PTPRD: variants seen among roughly 807,000 people sequenced by gnomAD.
PTPRD encodes the protein receptor-type tyrosine-protein phosphatase delta.
PTPRD carries 34 observed loss-of-function variants against 214.5 expected under a neutral mutation model. The ratio of observed to expected loss-of-function variants is 0.16; its 90% CI spans 0.12 to 0.21. The LOEUF (loss-of-function observed/expected upper bound fraction) is 0.21, where lower values mean the gene tolerates loss of function less well. Among genes scored for constraint, PTPRD ranks in the 10% least tolerant of loss-of-function variants. The probability of loss-of-function intolerance (pLI) is 1.00; values close to 1 mark genes in which losing one functional copy is unlikely to be tolerated. For synonymous variants in PTPRD, 1,128 were observed against 845.7 expected, an observed-to-expected ratio of 1.33 and a Z score of -5.79; for missense variants, 2,545 against 2,398.7, an observed-to-expected ratio of 1.06 and a Z score of -1.27.
chr9:9,250,200 G>A (rs538313081), intron 9 of PTPRD, among the ~76,000 whole-genome samples: 180 of 152,112 alleles, frequency 1.2e-3, no homozygotes, highest in African/African-American at 3.8e-3. Flanking sequence ...CAGAGCACTG[G>A]CCCTGAGCAT....
chr9:9,963,405 A>G (rs1271166383), intron 4 of PTPRD, among the ~76,000 whole-genome samples: 1 of 146,416 alleles, frequency 6.8e-6, no homozygotes, highest in Non-Finnish European at 1.5e-5. Context: ...CTAAGTGTAA[A>G]TAGTTTCTCC....
intron 10 of PTPRD, among the ~76,000 whole-genome samples, chr9:9,025,466 T>G (rs1053812338): frequency 2.6e-5 from 4 of 152,046 alleles, no homozygotes; most frequent in African/African-American, 9.7e-5. Flanking sequence ...TCCTCTAGAC[T>G]TTGACTTAGA....
chr9:10,461,350 A>G lies in PTPRD; in HGVS notation c.-599-120333T>C, dbSNP rs1433600551. On this transcript the variant is annotated intron_variant, in intron 2 of 45. Coordinates refer to ENST00000381196, the MANE Select transcript of PTPRD (RefSeq NM_002839.4). ...AAATTAAAAATAGAACTACCATTCT[A>G]AGAAAATAAAATCACCACCTCATAA... Among the ~76,000 whole-genome samples, 3 of 151,932 alleles carry G rather than the reference A, an allele frequency of 2.0e-5. No homozygotes were observed. The East Asian group carries it at 5.8e-4, about 29-fold the overall frequency.
intron 2 of PTPRD, among the ~76,000 whole-genome samples, chr9:10,462,943 G>C (rs938453889): frequency 6.7e-6 from 1 of 149,668 alleles, no homozygotes; most frequent in African/African-American, 2.4e-5. Context: ...GTTTTCCAGA[G>C]AGTGTGTATA....
chr9:10,070,215 A>G (rs1248448940), intron 3 of PTPRD, among the ~76,000 whole-genome samples: 3 of 152,020 alleles, frequency 2.0e-5, no homozygotes, highest in Non-Finnish European at 2.9e-5. Flanking sequence ...TGTTTTGTCC[A>G]CTTTTTTGTC....
intron 11 of PTPRD, among the ~76,000 whole-genome samples, chr9:8,789,035 T>C (rs1158275961): frequency 6.6e-6 from 1 of 152,124 alleles, no homozygotes; most frequent in African/African-American, 2.4e-5. Flanking sequence ...TCATTCCAAT[T>C]ATTATAAGAA....
At chr9:9,915,127 G>C (rs978912363) in intron 5 of PTPRD, among the ~76,000 whole-genome samples, 1 of 152,130 alleles carries the variant, frequency 6.6e-6, no homozygotes, top group Non-Finnish European at 1.5e-5. Flanking sequence ...TTTAGCATGG[G>C]TTAGAGCTGT....
chr9:8,480,996 C>T (rs1251668794), intron 30 of PTPRD, among the ~76,000 whole-genome samples: 1 of 151,872 alleles, frequency 6.6e-6, no homozygotes, highest in African/African-American at 2.4e-5. Context: ...AAAGATTAGC[C>T]AGGCGTGGTG....
At chr9:10,108,468 C>T (rs1293171988) in intron 3 of PTPRD, among the ~76,000 whole-genome samples, 1 of 151,488 alleles carries the variant, frequency 6.6e-6, no homozygotes, top group East Asian at 1.9e-4. Flanking sequence ...CTCTCTAATC[C>T]CCAGCCCACC....
chr9:8,870,494 G>C (rs577330314), intron 11 of PTPRD, among the ~76,000 whole-genome samples: 1 of 152,154 alleles, frequency 6.6e-6, no homozygotes, highest in Non-Finnish European at 1.5e-5. Context: ...ACCCCATCTT[G>C]CTGTTTCTCA....
chr9:10,374,741 A>T (rs982680822), intron 2 of PTPRD, among the ~76,000 whole-genome samples: 1 of 152,062 alleles, frequency 6.6e-6, no homozygotes, highest in Non-Finnish European at 1.5e-5. Context: ...GATTAGAAAA[A>T]AATGAACCTC....
chr9:9,731,449 A>ATTC (rs2098190282), intron 7 of PTPRD, among the ~76,000 whole-genome samples: 1 of 112,148 alleles, frequency 8.9e-6, no homozygotes, highest in Non-Finnish European at 1.8e-5. Flanking sequence ...AATTCTAGAA[A>ATTC]TGGAAATTTA....
chr9:10,243,261 T>A (rs1052123330), intron 3 of PTPRD, among the ~76,000 whole-genome samples: 1 of 152,050 alleles, frequency 6.6e-6, no homozygotes, highest in Non-Finnish European at 1.5e-5. Flanking sequence ...CCCACATTTA[T>A]ATGCTATCTT....
intron 10 of PTPRD, among the ~76,000 whole-genome samples, chr9:9,037,206 G>C (rs974655382): frequency 2.0e-5 from 3 of 152,084 alleles, no homozygotes; most frequent in Non-Finnish European, 4.4e-5. Context: ...GAGTTGGAAA[G>C]GATTTTAGAG....
At chr9:8,926,535 A>G (rs2098895146) in intron 11 of PTPRD, among the ~76,000 whole-genome samples, 1 of 152,056 alleles carries the variant, frequency 6.6e-6, no homozygotes, top group Non-Finnish European at 1.5e-5. Flanking sequence ...TTAACTGAAA[A>G]TTTCTTATTC....
intron 11 of PTPRD, among the ~76,000 whole-genome samples, chr9:8,759,585 C>T (rs1002607569): frequency 1.0e-4 from 15 of 150,540 alleles, no homozygotes; most frequent in African/African-American, 2.7e-4. Flanking sequence ...TTTTAATCTG[C>T]TGTTGGCATC....
chr9:8,645,137 TG>T (rs2096660030), intron 12 of PTPRD, among the ~76,000 whole-genome samples: 1 of 152,266 alleles, frequency 6.6e-6, no homozygotes, highest in African/African-American at 2.4e-5. Flanking sequence ...CTCAAGGGAT[TG>T]GCACGTACTT....
At chr9:9,643,389 A>C (rs2096036441) in intron 7 of PTPRD, among the ~76,000 whole-genome samples, 1 of 152,186 alleles carries the variant, frequency 6.6e-6, no homozygotes, top group Non-Finnish European at 1.5e-5. Flanking sequence ...TCAATCACTA[A>C]ACTCAAATTG....
At chr9:9,964,633 T>C (rs1039866803) in intron 4 of PTPRD, among the ~76,000 whole-genome samples, 2 of 152,208 alleles carry the variant, frequency 1.3e-5, no homozygotes, top group South Asian at 4.1e-4. Flanking sequence ...TTCTTTTTAG[T>C]TTATAAAGTT....
Sources: gnomAD v4.1 joint callset for allele counts (sites outside exome capture counted in the v4.1 genomes callset) on GRCh38, gnomAD v4.1.1 for gene constraint, MANE v1.5 for transcripts, NCBI Gene and HGNC (gene_info 2026-07-23, HGNC 2026-07-21) for gene names.